The following ZFAND4 variants were observed in gnomAD, a reference collection of about 807,000 sequenced individuals.
ZFAND4 encodes the protein AN1-type zinc finger protein 4.
ZFAND4 carries 43 observed loss-of-function variants against 64.4 expected under a neutral mutation model. The ratio of observed to expected loss-of-function variants is 0.67; its 90% CI spans 0.52 to 0.86. The LOEUF is 0.86. Ranked by LOEUF, ZFAND4 falls within the 40% of genes least tolerant of loss-of-function variation. The pLI is 0.00. For missense variants in ZFAND4, 929 were observed against 859.8 expected (o/e 1.08, Z -1.01); for synonymous variants, 296 against 305.7 (o/e 0.97, Z 0.33).
chr10:45,664,474 G>A (rs1589438840), intron 1 of ZFAND4, among the ~76,000 whole-genome samples: 1 of 151,498 alleles, frequency 6.6e-6, no homozygotes, highest in East Asian at 2.0e-4. Context: ...TCACCACGTT[G>A]GCCAGGATGG....
intron 4 of ZFAND4, chr10:45,648,971 A>T: frequency 1.0e-6 from 1 of 985,286 alleles, no homozygotes. Context: ...ACGTTAGATT[A>T]AAAGTACACA....
intron 2 of ZFAND4, among the ~76,000 whole-genome samples, chr10:45,654,599 C>G (rs1299540560): frequency 2.0e-5 from 3 of 149,746 alleles, no homozygotes; most frequent in African/African-American, 7.4e-5. Flanking sequence ...AGCCTGGCAA[C>G]AGAGTGAGAC....
rs188671886 is a variant in ZFAND4, at chr10:45,652,132, T to A, written c.261-99A>T. 824 of 1,054,740 alleles carry A rather than the reference T, an allele frequency of 7.8e-4. 6 individuals carry two copies. In the African/African-American group the frequency reaches 0.012, roughly 15 times the overall value. 65.3% of individuals were successfully genotyped at this position (1,054,740 alleles called of 1,614,324 possible). ...CTGGCTTATCAGGCAGAGTGGCCAC[T>A]CTCTAAAATATAAAAAGATATAGCA... On this transcript the variant is annotated intron_variant, in intron 3 of 9. Transcript: ENST00000344646.
At position 45,663,844 on chromosome 10, in the gene ZFAND4, T is replaced by C; in HGVS notation, c.-117-2A>G. 1 of 864,744 alleles carries C rather than the reference T, an allele frequency of 1.2e-6. No homozygotes were observed. The highest frequency in any genetic ancestry group is 2.5e-5 in the South Asian group (1 of 40,664). 53.6% of individuals were successfully genotyped at this position (864,744 alleles called of 1,614,324 possible). On this transcript the variant is annotated splice_acceptor_variant, in intron 1 of 9. Coordinates refer to ENST00000344646, the MANE Select transcript of ZFAND4 (RefSeq NM_174890.4). LOFTEE classifies it low-confidence loss of function (5UTR_SPLICE). Reference sequence around the variant, plus strand: ...TTGTTCATGTTTTGAGTTTTGTACCTAAAAAAACAAGAATTTTTTTAACAA... The same window carrying C: ...TTGTTCATGTTTTGAGTTTTGTACCCAAAAAAACAAGAATTTTTTTAACAA...
intron 1 of ZFAND4, among the ~76,000 whole-genome samples, chr10:45,664,542 C>T (rs2048684468): frequency 6.7e-6 from 1 of 148,572 alleles, no homozygotes; most frequent in Admixed American, 6.7e-5. Context: ...GCTGGGATTA[C>T]AGGCGTGAGC....
Position 45,663,695 on chromosome 10 carries a change from T to G in ZFAND4, c.31A>C (p.Asn11His). 6.2e-7 allele frequency: 1 copy of G among 1,602,956 alleles called. No individual in the cohort carries two copies. The highest frequency in any genetic ancestry group is 8.5e-7 in the Non-Finnish European group (1 of 1,177,492). The change falls in exon 2 of 10, where the codon AAT becomes CAT. Residue 11 changes from asparagine (N) to histidine (H), a missense_variant. Physicochemically the swap from Asn to His is moderately conservative, Grantham distance 68 (BLOSUM62 1). Coordinates refer to ENST00000344646, the MANE Select transcript of ZFAND4 (RefSeq NM_174890.4). MDNRKEPPFFNDDNMGPFYYR... is the reference protein window; with the variant it reads MDNRKEPPFFHDDNMGPFYYR... ...TAAAATGGTCCCATGTTATCATCAT[T>G]GAAGAATGGAGGCTCTTTTCTGTTA...
intron 6 of ZFAND4, among the ~76,000 whole-genome samples, chr10:45,631,210 C>T (rs1251596021): frequency 4.0e-5 from 6 of 149,944 alleles, no homozygotes; most frequent in Non-Finnish European, 8.9e-5. Context: ...CCAGCTACTC[C>T]GGAGGCAGAG....
At chr10:45,658,007 T>G (rs753042486) in intron 2 of ZFAND4, among the ~76,000 whole-genome samples, 4 of 152,200 alleles carry the variant, frequency 2.6e-5, no homozygotes, top group Non-Finnish European at 5.9e-5. Flanking sequence ...TTGATTGTGG[T>G]GGTGACTGTA....
intron 5 of ZFAND4, among the ~76,000 whole-genome samples, chr10:45,644,883 C>A (rs1246226948): frequency 6.6e-6 from 1 of 151,566 alleles, no homozygotes; most frequent in Non-Finnish European, 1.5e-5. Context: ...TTTAGTACAA[C>A]TTTAAGTGAA....
At chr10:45,660,532 T>A (rs2048401579) in intron 2 of ZFAND4, among the ~76,000 whole-genome samples, 1 of 152,080 alleles carries the variant, frequency 6.6e-6, no homozygotes, top group African/African-American at 2.4e-5. Context: ...CCAAAATTAA[T>A]GAAACATACC....
At chr10:45,628,880 A>T (rs1169355400) in intron 6 of ZFAND4, among the ~76,000 whole-genome samples, 2 of 148,008 alleles carry the variant, frequency 1.4e-5, no homozygotes, top group African/African-American at 5.0e-5. Context: ...AAGTATGGAG[A>T]AGTATGGAGC....
Position 45,617,591 on chromosome 10 carries a change from GAAAAAAA to G in ZFAND4, c.2048+542_2048+548del, listed in dbSNP as rs11362238. On this transcript the variant is annotated intron_variant, in intron 9 of 9. Transcript: ENST00000344646. The stretch of plus-strand genomic sequence containing the variant: ...TCCAGTGAGTTATGATTACAGTACT[GAAAAAAA>G]AAAAAAAAAAAAAAAGTCCGCAGCA... 5.6e-5 allele frequency among the ~76,000 whole-genome samples: 4 copies of G among 71,080 alleles called. 1 individual carries two copies. The highest frequency in any genetic ancestry group is 1.1e-4 in the Non-Finnish European group (4 of 37,284). 46.6% of individuals were successfully genotyped at this position (71,080 alleles called of 152,430 possible).
chr10:45,621,697 G>A (rs1458479790), intron 8 of ZFAND4, among the ~76,000 whole-genome samples: 1 of 151,986 alleles, frequency 6.6e-6, no homozygotes, highest in Non-Finnish European at 1.5e-5. Context: ...AGCCGAGATC[G>A]TGCCACCGCA....
chr10:45,668,531 A>G (rs1236961369), intron 1 of ZFAND4, among the ~76,000 whole-genome samples: 1 of 152,240 alleles, frequency 6.6e-6, no homozygotes, highest in Non-Finnish European at 1.5e-5. Flanking sequence ...CACACATAAC[A>G]ATATTAGCCT....
At chr10:45,643,064 G>A (rs1434602776) in intron 5 of ZFAND4, among the ~76,000 whole-genome samples, 1 of 151,326 alleles carries the variant, frequency 6.6e-6, no homozygotes, top group Non-Finnish European at 1.5e-5. Flanking sequence ...GGGATTACAG[G>A]CATGCACCAT....
At chr10:45,642,058 C>G (rs1472290672) in intron 5 of ZFAND4, among the ~76,000 whole-genome samples, 1 of 152,168 alleles carries the variant, frequency 6.6e-6, no homozygotes, top group Non-Finnish European at 1.5e-5. Context: ...TATACAATAC[C>G]TGAAGAAGGG....
intron 2 of ZFAND4, among the ~76,000 whole-genome samples, chr10:45,656,022 G>C (rs983289601): frequency 1.3e-5 from 2 of 152,072 alleles, no homozygotes; most frequent in African/African-American, 4.8e-5. Flanking sequence ...ACGAGGTCAG[G>C]AGATCAAGAC....
intron 8 of ZFAND4, among the ~76,000 whole-genome samples, chr10:45,619,634 C>T (rs2045265269): frequency 6.6e-6 from 1 of 151,718 alleles, no homozygotes; most frequent in Non-Finnish European, 1.5e-5. Flanking sequence ...TAGTTGGCAG[C>T]TAAAAGTCTG....
chr10:45,632,158 G>A (rs2046267909), intron 6 of ZFAND4, among the ~76,000 whole-genome samples: 1 of 152,072 alleles, frequency 6.6e-6, no homozygotes, highest in Admixed American at 6.5e-5. Flanking sequence ...TTCGAGACCA[G>A]CCTGGCCAAC....
Sources: gnomAD v4.1 joint callset for allele counts (sites outside exome capture counted in the v4.1 genomes callset) on GRCh38, gnomAD v4.1.1 for gene constraint, MANE v1.5 for transcripts, NCBI Gene and HGNC (gene_info 2026-07-23, HGNC 2026-07-21) for gene names.